ZDHHC21: variants seen among roughly 807,000 people sequenced by gnomAD.
ZDHHC21 encodes zDHHC palmitoyltransferase 21, also known as palmitoyltransferase ZDHHC21.
A neutral mutation model predicts 34.6 loss-of-function variants in ZDHHC21; 15 were observed. The ratio of observed to expected loss-of-function variants is 0.43; its 90% confidence interval spans 0.29 to 0.67. The LOEUF is 0.67. Ranked by LOEUF, ZDHHC21 falls within the 30% of genes least tolerant of loss-of-function variation. The probability of loss-of-function intolerance (pLI) is 0.14; values close to 1 mark genes in which losing one functional copy is unlikely to be tolerated. For synonymous variants in ZDHHC21, 142 were observed against 101.8 expected (o/e 1.40, Z -2.38); for missense variants, 344 against 327.7 (o/e 1.05, Z -0.38).
At chr9:14,682,862 T>C (rs919828725) in intron 2 of ZDHHC21, among the ~76,000 whole-genome samples, 1 of 152,160 alleles carries the variant, frequency 6.6e-6, no homozygotes, top group Admixed American at 6.5e-5. Context: ...GCAATCAAAT[T>C]AGAACTCAGG....
the ZDHHC21 span, among the ~76,000 whole-genome samples, chr9:14,598,925 AT>A: frequency 0.35 from 52,642 of 150,846 alleles, 11,184 homozygotes; most frequent in African/African-American, 0.6. Flanking sequence ...GCCTAGCTAA[AT>A]TTTTTTTTGT....
intron 7 of ZDHHC21, among the ~76,000 whole-genome samples, chr9:14,649,605 C>T (rs1830863998): frequency 6.6e-6 from 1 of 152,050 alleles, no homozygotes; most frequent in Admixed American, 6.6e-5. Flanking sequence ...TTATTACATC[C>T]TAATGGCAAT....
intron 8 of ZDHHC21, among the ~76,000 whole-genome samples, chr9:14,626,554 T>C (rs1203899334): frequency 6.6e-6 from 1 of 151,908 alleles, no homozygotes; most frequent in Non-Finnish European, 1.5e-5. Flanking sequence ...CAAACAGAAA[T>C]TATGCAATAT....
At chr9:14,605,611 G>A in the ZDHHC21 span, among the ~76,000 whole-genome samples, 1 of 152,132 alleles carries the variant, frequency 6.6e-6, no homozygotes, top group Non-Finnish European at 1.5e-5. Context: ...TATGTGGTTT[G>A]AAAATACCTT....
intron 8 of ZDHHC21, among the ~76,000 whole-genome samples, chr9:14,635,437 G>A (rs1238800072): frequency 1.3e-5 from 2 of 152,194 alleles, no homozygotes; most frequent in Admixed American, 6.5e-5. Context: ...CAGCAAGAAA[G>A]AAAGCATCAA....
chr9:14,658,919 T>G, intron 6 of ZDHHC21, 32 bp from the exon 7 acceptor site: 4 of 1,589,448 alleles, frequency 2.5e-6, no homozygotes, highest in Non-Finnish European at 3.4e-6. Flanking sequence ...GAAACAATAT[T>G]TTAAATTTCA....
At chr9:14,688,021 G>GAT (rs1181979613) in intron 2 of ZDHHC21, among the ~76,000 whole-genome samples, 1 of 150,898 alleles carries the variant, frequency 6.6e-6, no homozygotes, top group Non-Finnish European at 1.5e-5. Flanking sequence ...AAGTGTGGCA[G>GAT]TTAAATAATT....
chr9:14,658,510 G>A (rs1157570059), intron 7 of ZDHHC21, among the ~76,000 whole-genome samples: 4 of 110,316 alleles, frequency 3.6e-5, no homozygotes, highest in South Asian at 3.0e-4. Flanking sequence ...TCTCGCTGTC[G>A]CCCAGGTTGG....
rs1177767678 is a variant in ZDHHC21 at position 14,617,585 on chromosome 9, CTG to C, written c.*1379_*1380del. 1.3e-5 allele frequency: 2 copies of C among 151,902 alleles called. No homozygotes were observed. The highest frequency in any genetic ancestry group is 1.5e-5 in the Non-Finnish European group (1 of 67,916). The allele number at this position is 151,902 out of a possible 1,614,324, so 9.4% of individuals were successfully genotyped here. A position where few individuals can be genotyped will look rare whatever the true frequency, so the allele number is the denominator to read the frequency against. On this transcript the variant is annotated 3_prime_UTR_variant, in exon 10 of 10. Transcript: ENST00000380916. ...TTCAATCTTCTCTTCAAGGGAAAGA[CTG>C]TGAGTACATAAATTTTTTAAAAAGA...
chr9:14,668,119 A>C (rs988781114), intron 5 of ZDHHC21, among the ~76,000 whole-genome samples: 1 of 84,010 alleles, frequency 1.2e-5, no homozygotes, highest in African/African-American at 4.7e-5. Context: ...CTCAGCCCAA[A>C]ATCTCCTTAA....
chr9:14,686,068 G>C (rs1034987541), intron 2 of ZDHHC21, among the ~76,000 whole-genome samples: 6 of 151,904 alleles, frequency 3.9e-5, no homozygotes, highest in African/African-American at 9.7e-5. Flanking sequence ...GGTGGGGGAG[G>C]GGGGAGGAAT....
chr9:14,691,743 T>C (rs569503976), intron 1 of ZDHHC21, among the ~76,000 whole-genome samples: 4 of 152,326 alleles, frequency 2.6e-5, no homozygotes, highest in East Asian at 1.9e-4. Flanking sequence ...ATTGTTTCCA[T>C]CGAAAATGAT....
At chr9:14,598,757 T>G in the ZDHHC21 span, among the ~76,000 whole-genome samples, 4 of 152,042 alleles carry the variant, frequency 2.6e-5, no homozygotes, top group Non-Finnish European at 1.5e-5. Flanking sequence ...ATTAATGTAT[T>G]TATTTATTTT....
chr9:14,662,101 G>A (rs1323272996), intron 6 of ZDHHC21, 114 bp downstream of exon 6: 1 of 598,592 alleles, frequency 1.7e-6, no homozygotes, highest in Non-Finnish European at 2.7e-6. Context: ...TCCTTATTAA[G>A]ATATTGTAAA....
At chr9:14,691,622 G>A (rs997244864) in intron 1 of ZDHHC21, among the ~76,000 whole-genome samples, 2 of 152,146 alleles carry the variant, frequency 1.3e-5, no homozygotes, top group Non-Finnish European at 2.9e-5. Context: ...GTAGGCAAAA[G>A]TGACACGGTC....
intron 6 of ZDHHC21, among the ~76,000 whole-genome samples, chr9:14,660,372 C>CAAAAAAA (rs374162221): frequency 9.7e-4 from 57 of 58,690 alleles, no homozygotes; most frequent in Middle Eastern, 0.02. Context: ...GACTCCATCT[C>CAAAAAAA]AAAAAAAAAA....
intron 7 of ZDHHC21, among the ~76,000 whole-genome samples, chr9:14,648,768 TAATA>T (rs1382095318): frequency 2.4e-4 from 37 of 152,252 alleles, no homozygotes; most frequent in African/African-American, 8.2e-4. Flanking sequence ...CTGAATGACT[TAATA>T]AATGTTCCTC....
chr9:14,636,599 T>C (rs1379243753), intron 8 of ZDHHC21, among the ~76,000 whole-genome samples: 2 of 152,218 alleles, frequency 1.3e-5, no homozygotes, highest in African/African-American at 4.8e-5. Flanking sequence ...AGCTACAGAA[T>C]ACACATTGTT....
chr9:14,636,497 T>A (rs1828330183), intron 8 of ZDHHC21, among the ~76,000 whole-genome samples: 1 of 152,090 alleles, frequency 6.6e-6, no homozygotes, highest in Non-Finnish European at 1.5e-5. Flanking sequence ...ATTAGACAGA[T>A]CTAGTAAAAT....
Sources: gnomAD v4.1 joint callset for allele counts (sites outside exome capture counted in the v4.1 genomes callset) on GRCh38, gnomAD v4.1.1 for gene constraint, MANE v1.5 for transcripts, NCBI Gene and HGNC (gene_info 2026-07-23, HGNC 2026-07-21) for gene names.